Variants in HNF1A observed in about 807,000 individuals in gnomAD.
The protein encoded by HNF1A is HNF1 homeobox A.
HNF1A carries 21 observed loss-of-function variants against 62.2 expected under a neutral mutation model. The ratio of observed to expected loss-of-function variants is 0.34; its 90% CI spans 0.24 to 0.49. The LOEUF (loss-of-function observed/expected upper bound fraction) is 0.49. HNF1A is among the 20% of genes least tolerant of loss of function. The pLI is 0.99. For synonymous variants in HNF1A, 374 were observed against 366.8 expected (o/e 1.02, Z -0.22); for missense variants, 687 against 832.3 (o/e 0.83, Z 2.15).
At chr12:120,985,033 C>T (rs576800557) in intron 1 of HNF1A, among the ~76,000 whole-genome samples, 41 of 151,256 alleles carry the variant, frequency 2.7e-4, no homozygotes, top group African/African-American at 1.0e-3. Flanking sequence ...GCAGCCCCGA[C>T]CTCTCGGGCT....
In HNF1A at chr12:120,996,793, C is replaced by T. The variant is rs1421246140; in HGVS notation, c.1309+51C>T. 3.7e-6 allele frequency: 6 copies of T among 1,603,164 alleles called. No homozygotes were observed. The highest frequency in any genetic ancestry group is 8.5e-7 in the Non-Finnish European group (1 of 1,175,208). On this transcript the variant is annotated intron_variant, in intron 6 of 9. Transcript: ENST00000257555. The surrounding 1 kb of genome is among the most constrained non-coding windows in gnomAD (Gnocchi z 4.5). ...CCTGGGTGGGAGGCTCATGGGGCAA[C>T]CGCAGAATCCAGGAGCTGGAAGAGC...
At chr12:120,979,749 G>C (rs1396911755) in intron 1 of HNF1A, 1 of 154,488 alleles carries the variant, frequency 6.5e-6, no homozygotes, top group African/African-American at 2.4e-5. Flanking sequence ...CCGTCTCCTG[G>C]AGAACTGGGT....
At chr12:120,981,405 T>A (rs1876244290) in intron 1 of HNF1A, among the ~76,000 whole-genome samples, 1 of 152,174 alleles carries the variant, frequency 6.6e-6, no homozygotes, top group African/African-American at 2.4e-5. Context: ...GGAAAGTCTG[T>A]TCCTCTCCTT....
chr12:120,998,673 G>A (rs1007947776), intron 7 of HNF1A, among the ~76,000 whole-genome samples: 4 of 152,082 alleles, frequency 2.6e-5, no homozygotes, highest in Non-Finnish European at 5.9e-5. Flanking sequence ...TGTGTCTCTT[G>A]TAGGGTCTAT....
intron 7 of HNF1A, among the ~76,000 whole-genome samples, chr12:120,998,462 C>T (rs1032632920): frequency 2.0e-5 from 3 of 152,062 alleles, no homozygotes; most frequent in Admixed American, 6.6e-5. Flanking sequence ...GGCTGGGTTT[C>T]GCCACCAAAT....
At chr12:120,991,640 T>TATGTATGC (rs1565884945) in intron 2 of HNF1A, among the ~76,000 whole-genome samples, 44 of 140,276 alleles carry the variant, frequency 3.1e-4, no homozygotes, top group African/African-American at 7.8e-4. Context: ...TGTATGTATG[T>TATGTATGC]ATGCATGCAT....
At chr12:120,992,915 CATAAAGTGCTGTCCTAG>C (rs1876903940) in intron 2 of HNF1A, among the ~76,000 whole-genome samples, 1 of 152,166 alleles carries the variant, frequency 6.6e-6, no homozygotes, top group Admixed American at 6.5e-5. Flanking sequence ...CCTCTCTTCT[CATAAAGTGCTGTCCTAG>C]CACTTGTGTG....
At chr12:120,983,549 TC>T (rs1045630549) in intron 1 of HNF1A, among the ~76,000 whole-genome samples, 3 of 148,932 alleles carry the variant, frequency 2.0e-5, no homozygotes, top group African/African-American at 7.7e-5. Context: ...TTTCTTTCTT[TC>T]TTTTTTTTTT....
At chr12:120,998,491 T>C (rs1877232072) in intron 7 of HNF1A, among the ~76,000 whole-genome samples, 1 of 152,152 alleles carries the variant, frequency 6.6e-6, no homozygotes, top group Non-Finnish European at 1.5e-5. Context: ...GTGCCAATCT[T>C]AAGGAAATCT....
chr12:120,999,480 C>T lies in HNF1A; in HGVS notation c.1624-3C>T. On this transcript the variant is annotated splice_polypyrimidine_tract_variant and splice_region_variant and intron_variant, in intron 8 of 9. Coordinates refer to ENST00000257555, the MANE Select transcript of HNF1A (RefSeq NM_000545.8). ...GGCTCAGGAGGCTGCTCTGCTCCCC[C>T]AGGTCTTCACCTCAGACACTGAGGC... 6.2e-7 allele frequency: 1 copy of T among 1,613,904 alleles called. No individual in the cohort carries two copies. Among genetic ancestry groups the T allele is most frequent in the Non-Finnish European group, 8.5e-7 (1 of 1,179,994 alleles).
intron 3 of HNF1A, 97 bp from the exon 4 acceptor site, chr12:120,994,067 T>C (rs2135840623): frequency 6.6e-7 from 1 of 1,525,376 alleles, no homozygotes; most frequent in Middle Eastern, 1.8e-4. Context: ...CCTCAAACCC[T>C]CCGGCAGAGC....
At chr12:120,989,064 G>A (rs748101008) in intron 2 of HNF1A, 32 bp downstream of exon 2, 72 of 1,607,872 alleles carry the variant, frequency 4.5e-5, no homozygotes, top group Non-Finnish European at 5.9e-5. Context: ...CATCTTCCCT[G>A]GGAGGGCCCA....
intron 2 of HNF1A, among the ~76,000 whole-genome samples, chr12:120,990,800 C>A (rs7296897): frequency 0.058 from 8,886 of 152,054 alleles, 538 homozygotes; most frequent in East Asian, 0.25. Context: ...AAATTAGATG[C>A]CTTTACCCTA....
At chr12:120,983,704 C>T (rs374994143) in intron 1 of HNF1A, among the ~76,000 whole-genome samples, 2 of 152,014 alleles carry the variant, frequency 1.3e-5, no homozygotes, top group African/African-American at 4.8e-5. Context: ...CGACACCACA[C>T]CCAGCTAATT....
chr12:120,991,609 TATGTATGTATGTATGTATG>T (rs1189120681), intron 2 of HNF1A, among the ~76,000 whole-genome samples: 29 of 192 alleles, frequency 0.15, no homozygotes, highest in African/African-American at 0.26. Context: ...TGTATGTATG[TATGTATGTATGTATGTATG>T]ATGTATGTAT....
At chr12:120,982,093 C>T (rs1427762410) in intron 1 of HNF1A, among the ~76,000 whole-genome samples, 5 of 152,000 alleles carry the variant, frequency 3.3e-5, no homozygotes, top group Non-Finnish European at 5.9e-5. Flanking sequence ...ATTTTTGAGA[C>T]GGAGTCTCAC....
At position 120,993,590 on chromosome 12, in the gene HNF1A, G is replaced by A. The variant is rs2135839196; in HGVS notation, c.597G>A (p.Gly199=). ...GTGATGAGCTACCAACCAAGAAGGGGCGGAGGAACCGTTTCAAGTGGGGCC... is the reference window on the plus strand; with the variant it reads ...GTGATGAGCTACCAACCAAGAAGGGACGGAGGAACCGTTTCAAGTGGGGCC... The part of the protein sequence containing the change: ...PTGDELPTKK[G]RRNRFKWGPA... Residue 199 remains glycine (G), a synonymous_variant, in exon 3 of 10, where the codon GGG becomes GGA. Transcript: ENST00000257555. The A allele has an allele frequency of 6.2e-7, 1 of 1,614,204 alleles. No homozygotes were observed. Among genetic ancestry groups the A allele is most frequent in the African/African-American group, 1.3e-5 (1 of 75,040 alleles).
intron 9 of HNF1A, 51 bp downstream of exon 9, chr12:120,999,678 T>G (rs777958585): frequency 2.5e-5 from 39 of 1,576,096 alleles, no homozygotes; most frequent in Non-Finnish European, 3.3e-5. Context: ...CCCCCTTCCA[T>G]GTTGGTCCCA....
rs1194841917 is a variant in HNF1A at position 120,997,592 on chromosome 12, C to T, written c.1428C>T (p.Leu476=). ...TGCACCCCTCCTACCAGCAGCCGCT[C>T]ATGCCACCTGTGCAGAGCCATGTGA... The part of the protein sequence containing the change: ...QPLHPSYQQP[L]MPPVQSHVTQ... The change falls in exon 7 of 10, where the codon CTC becomes CTT. Residue 476 remains leucine, a synonymous_variant. Transcript: ENST00000257555. The T allele has an allele frequency of 1.2e-6, 2 of 1,613,786 alleles. No individual in the cohort carries two copies. Among genetic ancestry groups the T allele is most frequent in the African/African-American group, 1.3e-5 (1 of 74,950 alleles).
Sources: gnomAD v4.1 joint callset for allele counts (sites outside exome capture counted in the v4.1 genomes callset) on GRCh38, gnomAD v4.1.1 for gene constraint, Gnocchi (gnomAD v3.1) non-coding constraint, MANE v1.5 for transcripts, NCBI Gene and HGNC (gene_info 2026-07-23, HGNC 2026-07-21) for gene names.